GLI2: variants seen among roughly 807,000 people sequenced by gnomAD.
GLI2 encodes the protein transcription activator GLI2.
Under a neutral mutation model 78.9 loss-of-function variants are expected in GLI2, and 22 were observed. The ratio of observed to expected loss-of-function variants is 0.28; its 90% CI spans 0.20 to 0.40. The LOEUF (loss-of-function observed/expected upper bound fraction) is 0.40, where lower values mean the gene tolerates loss of function less well. Among genes scored for constraint, GLI2 ranks in the 10% least tolerant of loss-of-function variants. The pLI is 1.00. For missense variants in GLI2, 2,097 were observed against 2,213.2 expected (o/e 0.95, Z 1.05); for synonymous variants, 974 against 963.7 (o/e 1.01, Z -0.20).
At chr2:120,904,480 A>T (rs1397199688) in intron 2 of GLI2, among the ~76,000 whole-genome samples, 2 of 152,082 alleles carry the variant, frequency 1.3e-5, no homozygotes, top group Non-Finnish European at 2.9e-5. Context: ...GTTTTCTCCC[A>T]TCAGGAGAAC....
At chr2:120,798,346 C>T (rs1427809548) in intron 2 of GLI2, among the ~76,000 whole-genome samples, 1 of 152,102 alleles carries the variant, frequency 6.6e-6, no homozygotes, top group Non-Finnish European at 1.5e-5. Flanking sequence ...TAAGTTGGGG[C>T]AGGGCTGGCT....
intron 2 of GLI2, among the ~76,000 whole-genome samples, chr2:120,914,799 T>C (rs938599416): frequency 6.6e-6 from 1 of 152,162 alleles, no homozygotes; most frequent in Non-Finnish European, 1.5e-5. Flanking sequence ...ATGGGTCCTG[T>C]CCCTATCCTC....
intron 2 of GLI2, among the ~76,000 whole-genome samples, chr2:120,852,849 G>A (rs1457050769): frequency 2.0e-5 from 3 of 152,232 alleles, no homozygotes; most frequent in African/African-American, 7.2e-5. Context: ...TGTGCCCAGT[G>A]TGTGGCCACT....
intron 1 of GLI2, among the ~76,000 whole-genome samples, chr2:120,789,425 A>C (rs1684087192): frequency 6.6e-6 from 1 of 151,818 alleles, no homozygotes; most frequent in Admixed American, 6.6e-5. Context: ...CAGACCCTGG[A>C]GTGCTCTTCC....
At position 120,992,494 on chromosome 2, in the gene GLI2, T is replaced by C. The variant is rs754885960; in HGVS notation, c.*1819T>C. 6 of 152,224 alleles carry C rather than the reference T, an allele frequency of 3.9e-5. No homozygotes were observed. The highest frequency in any genetic ancestry group is 5.9e-5 in the Non-Finnish European group (4 of 68,038). 9.4% of individuals were successfully genotyped at this position (152,224 alleles called of 1,614,324 possible). A position where few individuals can be genotyped will look rare whatever the true frequency, so the allele number is the denominator to read the frequency against. ...TTTGTACATTAAAAAAGTAATTTTT[T>C]CATAATTTATCTTGTCTATCTGCTT... On this transcript the variant is annotated 3_prime_UTR_variant, in exon 14 of 14. Transcript: ENST00000361492.
chr2:120,884,990 C>T lies in GLI2; in HGVS notation c.149-42371C>T, dbSNP rs570921672. Among the ~76,000 whole-genome samples, 5 of 152,286 alleles carry T rather than the reference C, an allele frequency of 3.3e-5. No homozygotes were observed. The East Asian group carries it at 9.7e-4, about 29-fold the overall frequency. On this transcript the variant is annotated intron_variant, in intron 2 of 13. Coordinates refer to ENST00000361492, the MANE Select transcript of GLI2 (RefSeq NM_001374353.1). ...CCACTATCCTAACAGCTGGGCTGCT[C>T]CTGGCTCCCTCTCCATTCATTTCTT...
intron 1 of GLI2, among the ~76,000 whole-genome samples, chr2:120,780,510 T>TG (rs1371517426): frequency 2.6e-5 from 4 of 152,146 alleles, no homozygotes; most frequent in Non-Finnish European, 5.9e-5. Context: ...TCCAGCAGCG[T>TG]GGGGTGTGTC....
intron 1 of GLI2, among the ~76,000 whole-genome samples, chr2:120,763,392 G>A (rs1558784457): frequency 6.6e-6 from 1 of 152,246 alleles, no homozygotes; most frequent in Non-Finnish European, 1.5e-5. Context: ...GGGACTTGAA[G>A]GCCTCCACAG....
At chr2:120,929,913 C>T (rs1323058309) in intron 3 of GLI2, among the ~76,000 whole-genome samples, 1 of 152,168 alleles carries the variant, frequency 6.6e-6, no homozygotes, top group African/African-American at 2.4e-5. Context: ...AAAAATTGCC[C>T]AGTCAGTGGT....
intron 2 of GLI2, among the ~76,000 whole-genome samples, chr2:120,856,127 T>C (rs1687632499): frequency 6.6e-6 from 1 of 152,184 alleles, no homozygotes; most frequent in Non-Finnish European, 1.5e-5. Context: ...CCTGGGCTGC[T>C]GACTCCTCAG....
chr2:120,881,397 G>GT (rs1677112321), intron 2 of GLI2, among the ~76,000 whole-genome samples: 2 of 150,898 alleles, frequency 1.3e-5, no homozygotes, highest in Admixed American at 6.6e-5. Flanking sequence ...AGGGCAGGTG[G>GT]GGGGAGGACA....
chr2:120,923,251 AG>A (rs59131505), intron 2 of GLI2, among the ~76,000 whole-genome samples: 34 of 14,542 alleles, frequency 2.3e-3, no homozygotes, highest in South Asian at 0.015. Flanking sequence ...CACACACAAC[AG>A]CACACACATA....
intron 8 of GLI2, among the ~76,000 whole-genome samples, chr2:120,973,972 GC>G (rs1682322787): frequency 6.6e-6 from 1 of 152,168 alleles, no homozygotes; most frequent in African/African-American, 2.4e-5. Flanking sequence ...AGTCCCCGGA[GC>G]CAGTGGGGGT....
intron 2 of GLI2, among the ~76,000 whole-genome samples, chr2:120,868,158 C>G (rs932698145): frequency 6.6e-6 from 1 of 152,194 alleles, no homozygotes; most frequent in Non-Finnish European, 1.5e-5. Flanking sequence ...ACTTCAATTC[C>G]CCGCGGTTTG....
chr2:120,807,512 A>C (rs903125973), intron 2 of GLI2, among the ~76,000 whole-genome samples: 1 of 151,952 alleles, frequency 6.6e-6, no homozygotes, highest in Non-Finnish European at 1.5e-5. Context: ...TATTTGAGAG[A>C]GCAAATGAAG....
At chr2:120,741,725 G>A (rs1313324589) in intron 1 of GLI2, among the ~76,000 whole-genome samples, 1 of 152,038 alleles carries the variant, frequency 6.6e-6, no homozygotes, top group Non-Finnish European at 1.5e-5. Flanking sequence ...ACCGTGCCGC[G>A]GCCGGGGGAC....
intron 3 of GLI2, among the ~76,000 whole-genome samples, chr2:120,933,164 A>T (rs557218147): frequency 6.6e-6 from 1 of 152,224 alleles, no homozygotes; most frequent in East Asian, 1.9e-4. Flanking sequence ...AAGGCAGGGC[A>T]TGGAGGTTGG....
At chr2:120,788,721 C>T (rs892896712) in intron 1 of GLI2, among the ~76,000 whole-genome samples, 2 of 152,184 alleles carry the variant, frequency 1.3e-5, no homozygotes, top group African/African-American at 4.8e-5. Flanking sequence ...CTTGGAAAAA[C>T]AAATTCAAGG....
At chr2:120,788,140 A>G (rs79718798) in intron 1 of GLI2, among the ~76,000 whole-genome samples, 10,617 of 152,190 alleles carry the variant, frequency 0.07, 440 homozygotes, top group Admixed American at 0.12. Context: ...GCTTAGGGAG[A>G]AGTTGATTCT....
Sources: allele counts gnomAD v4.1 joint callset (sites outside exome capture counted in the v4.1 genomes callset), GRCh38; gene constraint gnomAD v4.1.1; transcripts MANE v1.5; gene names NCBI Gene and HGNC (gene_info 2026-07-23, HGNC 2026-07-21).